The following RAB38 variants were observed in gnomAD, a reference collection of about 807,000 sequenced individuals.
RAB38 encodes ras-related protein Rab-38.
In RAB38, 15 loss-of-function variants were observed where a neutral mutation model predicts 18.4. The ratio of observed to expected loss-of-function variants is 0.82; its 90% CI spans 0.55 to 1.26. The LOEUF (loss-of-function observed/expected upper bound fraction) is 1.26, where lower values mean the gene tolerates loss of function less well. Among genes scored for constraint, RAB38 ranks in the 50% most tolerant of loss-of-function variants. The pLI is 0.00. For synonymous variants in RAB38, 101 were observed against 104.4 expected, an observed-to-expected ratio of 0.97 and a Z score of 0.20; for missense variants, 294 against 267.4, an observed-to-expected ratio of 1.10 and a Z score of -0.69.
the RAB38 span, among the ~76,000 whole-genome samples, chr11:88,085,073 G>T: frequency 6.6e-6 from 1 of 151,826 alleles, no homozygotes; most frequent in Non-Finnish European, 1.5e-5. Flanking sequence ...AACCACAAAG[G>T]TTAGAGCACA....
the RAB38 span, among the ~76,000 whole-genome samples, chr11:88,086,443 T>G: frequency 6.6e-5 from 10 of 151,904 alleles, no homozygotes; most frequent in African/African-American, 2.2e-4. Flanking sequence ...ACAAGGTAAT[T>G]GGTCTCCTGC....
chr11:87,821,405 G>T, the RAB38 span, among the ~76,000 whole-genome samples: 1 of 152,182 alleles, frequency 6.6e-6, no homozygotes, highest in Non-Finnish European at 1.5e-5. Context: ...ATTTTCAGAC[G>T]AACAAAACTT....
intron 2 of RAB38, among the ~76,000 whole-genome samples, chr11:88,124,591 C>T (rs182236125): frequency 6.6e-6 from 1 of 152,160 alleles, no homozygotes; most frequent in African/African-American, 2.4e-5. Flanking sequence ...AACCATAGAA[C>T]CTGTCGACCC....
At chr11:88,171,972 T>C (rs992801668) in intron 1 of RAB38, among the ~76,000 whole-genome samples, 17 of 152,230 alleles carry the variant, frequency 1.1e-4, no homozygotes, top group Admixed American at 9.8e-4. Context: ...TACTTAATAA[T>C]ACCAAAAATC....
chr11:87,913,315 T>A, the RAB38 span, among the ~76,000 whole-genome samples: 1 of 152,166 alleles, frequency 6.6e-6, no homozygotes, highest in Non-Finnish European at 1.5e-5. Context: ...ATCTTTCATT[T>A]TAATTGTGAA....
At chr11:87,895,784 T>C in the RAB38 span, among the ~76,000 whole-genome samples, 8 of 151,730 alleles carry the variant, frequency 5.3e-5, no homozygotes, top group South Asian at 1.2e-3. Flanking sequence ...AAATGAGACA[T>C]AGGCTATGTC....
At chr11:87,935,969 T>C in the RAB38 span, among the ~76,000 whole-genome samples, 2 of 152,158 alleles carry the variant, frequency 1.3e-5, no homozygotes, top group Non-Finnish European at 2.9e-5. Context: ...TCTCTTTATG[T>C]CTTGTGCCCA....
intron 2 of RAB38, among the ~76,000 whole-genome samples, chr11:88,129,794 CAG>C (rs1453324006): frequency 8.6e-5 from 13 of 151,920 alleles, no homozygotes; most frequent in Non-Finnish European, 1.9e-4. Context: ...TTGAATGAAA[CAG>C]AACAAAAATG....
the RAB38 span, among the ~76,000 whole-genome samples, chr11:87,951,864 C>T: frequency 1.3e-5 from 2 of 152,170 alleles, no homozygotes; most frequent in Non-Finnish European, 2.9e-5. Context: ...CTTGAGGAGG[C>T]AGTCTGCCCG....
At chr11:87,945,254 A>G in the RAB38 span, among the ~76,000 whole-genome samples, 1 of 152,116 alleles carries the variant, frequency 6.6e-6, no homozygotes, top group African/African-American at 2.4e-5. Flanking sequence ...CATTACTTTT[A>G]TTTTGGCTTA....
chr11:87,854,152 T>C, the RAB38 span, among the ~76,000 whole-genome samples: 5 of 152,220 alleles, frequency 3.3e-5, no homozygotes, highest in African/African-American at 4.8e-5. Flanking sequence ...TTTGGTTTTT[T>C]TGCCATATAA....
chr11:87,875,327 A>G, the RAB38 span, among the ~76,000 whole-genome samples: 5 of 151,496 alleles, frequency 3.3e-5, no homozygotes, highest in Non-Finnish European at 7.4e-5. Flanking sequence ...AAATAAAATT[A>G]ATTATAAGTA....
At chr11:88,088,404 G>A in the RAB38 span, among the ~76,000 whole-genome samples, 4 of 151,902 alleles carry the variant, frequency 2.6e-5, no homozygotes, top group Non-Finnish European at 4.4e-5. Flanking sequence ...ATGACCTGAA[G>A]TTTAACAGCA....
chr11:87,862,142 C>A, the RAB38 span, among the ~76,000 whole-genome samples: 2 of 151,824 alleles, frequency 1.3e-5, no homozygotes, highest in East Asian at 3.9e-4. Context: ...ACCATTTGAC[C>A]CAGCAATACC....
chr11:87,863,924 A>C, the RAB38 span, among the ~76,000 whole-genome samples: 1 of 151,712 alleles, frequency 6.6e-6, no homozygotes, highest in Non-Finnish European at 1.5e-5. Context: ...CCATGGGCTA[A>C]TATGTATCTT....
At chr11:87,930,117 C>T in the RAB38 span, among the ~76,000 whole-genome samples, 1 of 152,128 alleles carries the variant, frequency 6.6e-6, no homozygotes, top group East Asian at 1.9e-4. Flanking sequence ...ATTTCTAGTT[C>T]TAGATCCCTG....
chr11:88,114,392 T>A (rs1942519829), intron 2 of RAB38, among the ~76,000 whole-genome samples: 1 of 152,220 alleles, frequency 6.6e-6, no homozygotes, highest in Non-Finnish European at 1.5e-5. Context: ...AGGTTAAATT[T>A]CAGTTAGAGG....
At chr11:88,101,374 T>C in the RAB38 span, among the ~76,000 whole-genome samples, 1 of 151,968 alleles carries the variant, frequency 6.6e-6, no homozygotes, top group Non-Finnish European at 1.5e-5. Context: ...GGCAAATTAT[T>C]TATAACAACA....
chr11:87,961,844 A>G, the RAB38 span, among the ~76,000 whole-genome samples: 1 of 152,280 alleles, frequency 6.6e-6, no homozygotes, highest in Admixed American at 6.5e-5. Flanking sequence ...TGCATTATTT[A>G]TGTCATATTT....
Sources: gnomAD v4.1 joint callset for allele counts (sites outside exome capture counted in the v4.1 genomes callset) on GRCh38, gnomAD v4.1.1 for gene constraint, MANE v1.5 for transcripts, NCBI Gene and HGNC (gene_info 2026-07-23, HGNC 2026-07-21) for gene names.